PARD3B: variants seen among roughly 807,000 people sequenced by gnomAD.
PARD3B encodes partitioning defective 3 homolog B.
PARD3B carries 103 observed loss-of-function variants against 130.2 expected under a neutral mutation model. The observed-to-expected ratio is 0.79, with a 90% CI of 0.67 to 0.93. The LOEUF (loss-of-function observed/expected upper bound fraction) is 0.93, where lower values mean the gene tolerates loss of function less well. PARD3B is among the 40% of genes least tolerant of loss of function. PARD3B has a pLI of 0.00. For synonymous variants in PARD3B, 583 were observed against 553.2 expected, an observed-to-expected ratio of 1.05 and a Z score of -0.76; for missense variants, 1,609 against 1,499.2, an observed-to-expected ratio of 1.07 and a Z score of -1.21.
At chr2:205,551,760 A>G (rs977720872) in intron 21 of PARD3B, among the ~76,000 whole-genome samples, 1 of 152,130 alleles carries the variant, frequency 6.6e-6, no homozygotes, top group Non-Finnish European at 1.5e-5. Context: ...GAGAGCCGGG[A>G]CTTTTGGTAA....
intron 1 of PARD3B, among the ~76,000 whole-genome samples, chr2:204,622,208 G>A (rs749384688): frequency 1.3e-5 from 2 of 152,138 alleles, no homozygotes; most frequent in East Asian, 1.9e-4. Context: ...GATGATGTGC[G>A]TGATACTCAC....
intron 2 of PARD3B, among the ~76,000 whole-genome samples, chr2:204,946,087 C>T (rs1689300283): frequency 6.6e-6 from 1 of 152,196 alleles, no homozygotes; most frequent in African/African-American, 2.4e-5. Context: ...TTTCCTCTTG[C>T]TTTTCTGGCC....
At position 205,300,309 on chromosome 2, in the gene PARD3B, A is replaced by T. The variant is rs986821075; in HGVS notation, c.2186-221A>T. Among the ~76,000 whole-genome samples, 8 of 152,190 alleles carry T rather than the reference A, an allele frequency of 5.3e-5. No homozygotes were observed. The highest frequency in any genetic ancestry group is 1.9e-4 in the African/African-American group (8 of 41,436). On this transcript the variant is annotated intron_variant, in intron 16 of 22. Transcript: ENST00000406610. This position sits in a 1 kb window ranked among gnomAD's most constrained non-coding sequence, Gnocchi z 4.1. ...TAGAGAGAAATGTACCTATAGTCAT[A>T]TTAAATTTTATCACAGCTTTAGAAA...
rs1327559752 is a variant in PARD3B at position 205,229,921 on chromosome 2, C to G, written c.2141-15857C>G. Among the ~76,000 whole-genome samples, 2 of 151,884 alleles carry G rather than the reference C, an allele frequency of 1.3e-5. No individual in the cohort carries two copies. The highest frequency in any genetic ancestry group is 1.3e-4 in the Admixed American group (2 of 15,250). On this transcript the variant is annotated intron_variant, in intron 15 of 22. Transcript: ENST00000406610. This position sits in a 1 kb window ranked among gnomAD's most constrained non-coding sequence, Gnocchi z 5.2. The stretch of plus-strand genomic sequence containing the variant: ...AAGCAGAGGACTCTCTCCCCACAGC[C>G]ACCACCACCACGTCCATGGCAAGTA...
intron 1 of PARD3B, among the ~76,000 whole-genome samples, chr2:204,595,276 C>T (rs142229975): frequency 1.4e-4 from 22 of 152,148 alleles, no homozygotes; most frequent in African/African-American, 3.6e-4. Flanking sequence ...TGGCTGGACT[C>T]GGGCAGTGGA....
intron 4 of PARD3B, among the ~76,000 whole-genome samples, chr2:205,083,537 G>C (rs112828176): frequency 6.6e-6 from 1 of 151,154 alleles, no homozygotes; most frequent in Non-Finnish European, 1.5e-5. Flanking sequence ...AATATTATTT[G>C]TGCCTCTTCT....
chr2:205,023,247 T>C (rs548231115), intron 3 of PARD3B, among the ~76,000 whole-genome samples: 1 of 152,152 alleles, frequency 6.6e-6, no homozygotes, highest in Non-Finnish European at 1.5e-5. Flanking sequence ...GAGAAGGCTT[T>C]GTTTTCAACA....
chr2:205,383,953 T>C (rs1025177611), intron 18 of PARD3B, among the ~76,000 whole-genome samples: 11 of 152,254 alleles, frequency 7.2e-5, no homozygotes, highest in African/African-American at 2.6e-4. Flanking sequence ...ATGTTTATAT[T>C]TATAAAATTG....
intron 1 of PARD3B, among the ~76,000 whole-genome samples, chr2:204,619,148 G>C (rs1317067159): frequency 1.3e-5 from 2 of 152,210 alleles, no homozygotes; most frequent in East Asian, 3.9e-4. Context: ...TGGATATTGG[G>C]TTTGTGGCTG....
At chr2:204,826,686 A>T (rs530902571) in intron 2 of PARD3B, among the ~76,000 whole-genome samples, 2 of 152,312 alleles carry the variant, frequency 1.3e-5, no homozygotes, top group African/African-American at 4.8e-5. Context: ...GAAAACAAAA[A>T]GTAGTATCAC....
At chr2:204,978,207 ATCTAG>A (rs994129356) in intron 3 of PARD3B, among the ~76,000 whole-genome samples, 11 of 152,122 alleles carry the variant, frequency 7.2e-5, no homozygotes, top group Admixed American at 4.6e-4. Flanking sequence ...CAACACAAAC[ATCTAG>A]TCTGTGTGTC....
chr2:204,972,091 TCAATACCTAAAGA>T (rs1157728653), intron 3 of PARD3B, among the ~76,000 whole-genome samples: 1 of 152,160 alleles, frequency 6.6e-6, no homozygotes, highest in Non-Finnish European at 1.5e-5. Context: ...AAGAATAAAG[TCAATACCTAAAGA>T]CAAGTAGCCC....
In PARD3B at chr2:204,678,874, C is replaced by A. The variant is rs74471734; in HGVS notation, c.121-7307C>A. Among the ~76,000 whole-genome samples, 1,481 of 152,244 alleles carry A rather than the reference C, an allele frequency of 9.7e-3. 17 individuals are homozygous for A. Among genetic ancestry groups the A allele is most frequent in the African/African-American group, 0.034 (1,398 of 41,524 alleles). ...CCTCTTCTATCCAGTATTTCCCTGC[C>A]TCCTGTCGGTATCGCTAACATACAG... On this transcript the variant is annotated intron_variant, in intron 1 of 22. Coordinates refer to ENST00000406610, the MANE Select transcript of PARD3B (RefSeq NM_001302769.2). This position sits in a 1 kb window ranked among gnomAD's most constrained non-coding sequence, Gnocchi z 4.2.
chr2:205,228,089 G>T (rs1349792955), intron 15 of PARD3B, among the ~76,000 whole-genome samples: 4 of 152,018 alleles, frequency 2.6e-5, no homozygotes, highest in Non-Finnish European at 4.4e-5. Context: ...TAGTATTTTT[G>T]ATCAGTTTAT....
At chr2:205,025,714 C>T (rs942564591) in intron 3 of PARD3B, among the ~76,000 whole-genome samples, 2 of 152,072 alleles carry the variant, frequency 1.3e-5, no homozygotes, top group East Asian at 3.9e-4. Flanking sequence ...CATAAATAAC[C>T]ACACGTCTCT....
At chr2:204,857,348 A>G (rs2044993335) in intron 2 of PARD3B, among the ~76,000 whole-genome samples, 1 of 152,150 alleles carries the variant, frequency 6.6e-6, no homozygotes, top group African/African-American at 2.4e-5. Context: ...CTCTCAAGCT[A>G]TTGGTGCCTT....
chr2:205,513,974 G>T (rs181170494), intron 21 of PARD3B, among the ~76,000 whole-genome samples: 3 of 152,002 alleles, frequency 2.0e-5, no homozygotes, highest in Non-Finnish European at 2.9e-5. Flanking sequence ...CTGTCTGTCC[G>T]CCTCCAAAGT....
intron 2 of PARD3B, among the ~76,000 whole-genome samples, chr2:204,858,167 C>A (rs967463150): frequency 6.6e-6 from 1 of 152,068 alleles, no homozygotes; most frequent in Non-Finnish European, 1.5e-5. Context: ...GTTAATTGCT[C>A]ATTTTATCAA....
At chr2:204,613,976 G>C (rs1374308164) in intron 1 of PARD3B, among the ~76,000 whole-genome samples, 1 of 151,988 alleles carries the variant, frequency 6.6e-6, no homozygotes, top group Non-Finnish European at 1.5e-5. Flanking sequence ...CTTCGTGATT[G>C]GTGGTGGTTT....
Sources: allele counts gnomAD v4.1 joint callset (sites outside exome capture counted in the v4.1 genomes callset), GRCh38; gene constraint gnomAD v4.1.1; non-coding constraint Gnocchi (gnomAD v3.1); transcripts MANE v1.5; gene names NCBI Gene and HGNC (gene_info 2026-07-23, HGNC 2026-07-21).